The following TRHDE variants were observed in gnomAD, a reference collection of about 807,000 sequenced individuals.
TRHDE encodes thyrotropin releasing hormone degrading enzyme.
Under a neutral mutation model 125.7 loss-of-function variants are expected in TRHDE, and 72 were observed. The ratio of observed to expected loss-of-function variants is 0.57; its 90% CI spans 0.47 to 0.70. The LOEUF (loss-of-function observed/expected upper bound fraction) is 0.70, where lower values mean the gene tolerates loss of function less well. Ranked by LOEUF, TRHDE falls within the 30% of genes least tolerant of loss-of-function variation. The pLI is 0.00. For missense variants in TRHDE, 1,110 were observed against 1,327.1 expected (o/e 0.84, Z 2.54); for synonymous variants, 509 against 509.1 (o/e 1.00, Z 0.00).
intron 2 of TRHDE, among the ~76,000 whole-genome samples, chr12:72,245,286 T>C (rs1043963589): frequency 6.7e-6 from 1 of 150,236 alleles, no homozygotes; most frequent in Admixed American, 6.6e-5. Context: ...GAGAGGTCTA[T>C]CTCTCCATCT....
intron 2 of TRHDE, among the ~76,000 whole-genome samples, chr12:72,320,868 G>C (rs953640730): frequency 6.6e-5 from 10 of 152,108 alleles, no homozygotes; most frequent in Non-Finnish European, 8.8e-5. Flanking sequence ...TTTCATGGTA[G>C]AGTGAGGGTG....
At chr12:72,307,274 C>T (rs987692173) in intron 2 of TRHDE, among the ~76,000 whole-genome samples, 1 of 152,176 alleles carries the variant, frequency 6.6e-6, no homozygotes, top group South Asian at 2.1e-4. Flanking sequence ...AAGTGATTCT[C>T]CTGTCTCAGC....
intron 10 of TRHDE, among the ~76,000 whole-genome samples, chr12:72,573,773 T>C (rs1390914848): frequency 2.0e-5 from 3 of 151,960 alleles, no homozygotes; most frequent in Non-Finnish European, 4.4e-5. Context: ...TGTTATACCA[T>C]CTTGTATCAA....
chr12:72,245,278 G>A (rs2139383388), intron 2 of TRHDE, among the ~76,000 whole-genome samples: 1 of 147,288 alleles, frequency 6.8e-6, no homozygotes, highest in East Asian at 2.0e-4. Context: ...TGTAGAGGGA[G>A]AGGTCTATCT....
At chr12:72,473,273 C>A in intron 5 of TRHDE, 93 bp downstream of exon 5, 1 of 843,162 alleles carries the variant, frequency 1.2e-6, no homozygotes, top group Non-Finnish European at 1.9e-6. Flanking sequence ...CTAAAAATAC[C>A]AACTGATGCA....
intron 3 of TRHDE, among the ~76,000 whole-genome samples, chr12:72,465,140 A>G (rs1876308014): frequency 6.6e-6 from 1 of 152,194 alleles, no homozygotes; most frequent in Admixed American, 6.5e-5. Flanking sequence ...AATTAAAATA[A>G]TTTAATTCGT....
intron 2 of TRHDE, among the ~76,000 whole-genome samples, chr12:72,174,882 T>C (rs1876954157): frequency 6.6e-6 from 1 of 152,218 alleles, no homozygotes; most frequent in Non-Finnish European, 1.5e-5. Flanking sequence ...TACTAAATAA[T>C]CTACAGGGAG....
At chr12:72,209,850 T>G (rs1161335106) in intron 2 of TRHDE, among the ~76,000 whole-genome samples, 1 of 152,196 alleles carries the variant, frequency 6.6e-6, no homozygotes, top group Non-Finnish European at 1.5e-5. Flanking sequence ...TTATACAGTG[T>G]GTTTTCTGAT....
intron 15 of TRHDE, among the ~76,000 whole-genome samples, chr12:72,638,606 T>G (rs1054637575): frequency 6.6e-6 from 1 of 152,152 alleles, no homozygotes; most frequent in Non-Finnish European, 1.5e-5. Flanking sequence ...GTCTCGATGG[T>G]CTTTACATTT....
chr12:72,479,168 T>C (rs1371070468), intron 5 of TRHDE, among the ~76,000 whole-genome samples: 1 of 152,160 alleles, frequency 6.6e-6, no homozygotes, highest in Non-Finnish European at 1.5e-5. Flanking sequence ...TTGTTAATTG[T>C]TGAAGTATAT....
intron 12 of TRHDE, among the ~76,000 whole-genome samples, chr12:72,577,650 G>T (rs186643987): frequency 1.1e-4 from 17 of 152,156 alleles, no homozygotes; most frequent in African/African-American, 4.1e-4. Flanking sequence ...AAAAGGAAGG[G>T]ATCTGTTGAC....
intron 3 of TRHDE, among the ~76,000 whole-genome samples, chr12:72,458,772 T>C (rs1875991002): frequency 6.6e-6 from 1 of 152,138 alleles, no homozygotes. Context: ...TAACCTGAAA[T>C]ACACTTCCCC....
chr12:72,394,230 T>C (rs1470828689), intron 3 of TRHDE, among the ~76,000 whole-genome samples: 2 of 152,100 alleles, frequency 1.3e-5, no homozygotes, highest in Non-Finnish European at 2.9e-5. Context: ...CACAGAGAAA[T>C]TTGATTAATA....
rs575452257 is a variant in TRHDE, at chr12:72,539,305, C to G, written c.1723-2986C>G. Among the ~76,000 whole-genome samples the G allele has an allele frequency of 1.1e-3, 171 of 151,928 alleles. 1 individual carries two copies. Among genetic ancestry groups the G allele is most frequent in the Middle Eastern group, 3.4e-3 (1 of 294 alleles). ...GTGTCATTTAGGATACCAAACATAC[C>G]ACCTTATTCAATAAGCATGCACTAA... On this transcript the variant is annotated intron_variant, in intron 6 of 18. Coordinates refer to ENST00000261180, the MANE Select transcript of TRHDE (RefSeq NM_013381.3).
At chr12:72,489,811 ACT>A (rs755887988) in intron 5 of TRHDE, among the ~76,000 whole-genome samples, 4 of 151,684 alleles carry the variant, frequency 2.6e-5, no homozygotes, top group Non-Finnish European at 5.9e-5. Context: ...ATAAAATGAG[ACT>A]CTTGTCTTAC....
chr12:72,595,596 T>A (rs1871905187), intron 12 of TRHDE, among the ~76,000 whole-genome samples: 1 of 152,142 alleles, frequency 6.6e-6, no homozygotes, highest in African/African-American at 2.4e-5. Context: ...GTTCCCTTTT[T>A]AAAAATTTTA....
chr12:72,506,417 G>A (rs1206139058), intron 6 of TRHDE, among the ~76,000 whole-genome samples: 1 of 152,036 alleles, frequency 6.6e-6, no homozygotes, highest in Non-Finnish European at 1.5e-5. Context: ...TACTACAAAA[G>A]CATGTCTATC....
chr12:72,628,062 G>A (rs1190223406), intron 15 of TRHDE, among the ~76,000 whole-genome samples: 1 of 151,846 alleles, frequency 6.6e-6, no homozygotes, highest in Non-Finnish European at 1.5e-5. Context: ...TACAGTACTT[G>A]ATTCAGATGT....
chr12:72,379,230 G>C (rs1872035726), intron 3 of TRHDE, among the ~76,000 whole-genome samples: 1 of 152,198 alleles, frequency 6.6e-6, no homozygotes. Context: ...TGACAGAATA[G>C]TTGATATTGT....
Sources: allele counts gnomAD v4.1 joint callset (sites outside exome capture counted in the v4.1 genomes callset), GRCh38; gene constraint gnomAD v4.1.1; transcripts MANE v1.5; gene names NCBI Gene and HGNC (gene_info 2026-07-23, HGNC 2026-07-21).